MYSM1: variants seen among roughly 807,000 people sequenced by gnomAD.
MYSM1 encodes deubiquitinase MYSM1.
In MYSM1, 51 loss-of-function variants were observed where a neutral mutation model predicts 116.0. The observed-to-expected ratio is 0.44, with a 90% CI of 0.35 to 0.56. MYSM1 has a LOEUF of 0.56. MYSM1 is among the 20% of genes least tolerant of loss of function. MYSM1 has a pLI of 0.00. For missense variants in MYSM1, 900 were observed against 974.9 expected, an observed-to-expected ratio of 0.92 and a Z score of 1.02; for synonymous variants, 313 against 315.2, an observed-to-expected ratio of 0.99 and a Z score of 0.07.
intron 11 of MYSM1, among the ~76,000 whole-genome samples, chr1:58,672,384 C>A (rs1340643991): frequency 6.6e-6 from 1 of 151,774 alleles, no homozygotes; most frequent in African/African-American, 2.4e-5. Context: ...GCTTGGTGAC[C>A]CTAGGCAAAT....
chr1:58,667,104 A>G lies in MYSM1; in HGVS notation c.1965T>C (p.Tyr655=). ...AVRGFSVIGW[Y]HSHPAFDPNP... The stretch of plus-strand genomic sequence containing the variant: ...TAGGATCAAAAGCAGGATGAGAATG[A>G]TACCATCCAATAACACTGAAGCCTC... The change falls in exon 16 of 20, where the codon TAT becomes TAC. Residue 655 remains tyrosine (Y), a synonymous_variant. Transcript: ENST00000472487. The G allele has an allele frequency of 6.2e-7, 1 of 1,613,676 alleles. No individual in the cohort carries two copies. Among genetic ancestry groups the G allele is most frequent in the South Asian group, 1.1e-5 (1 of 91,034 alleles).
At position 58,695,150 on chromosome 1, in the gene MYSM1, C is replaced by A; in HGVS notation, c.126G>T (p.Trp42Cys). The A allele has an allele frequency of 6.2e-7, 1 of 1,604,192 alleles. No homozygotes were observed. The highest frequency in any genetic ancestry group is 8.5e-7 in the Non-Finnish European group (1 of 1,171,800). Residue 42 changes from tryptophan (W) to cysteine (C), a missense_variant, in exon 2 of 20, where the codon TGG becomes TGT. Trp to Cys is a radical substitution (Grantham distance 215, BLOSUM62 -2). Around this residue, in one of 3 missense-constraint regions of MYSM1, gnomAD observed 622 missense variants for 623.7 expected, o/e 1.00. Transcript: ENST00000472487. ...LQKDHYLDSS[W>C]RTENGLIPWT... ...TTACAATAAGGCCATTCTCTGTTCT[C>A]CAAGATGAATCAAGATAGTGATCTT... is the stretch of plus-strand genomic sequence containing the variant.
chr1:58,679,899 G>A (rs974735542), intron 8 of MYSM1, among the ~76,000 whole-genome samples: 1 of 151,896 alleles, frequency 6.6e-6, no homozygotes, highest in East Asian at 1.9e-4. Context: ...GTGGTGGCAC[G>A]CACCTGTAGT....
At position 58,685,204 on chromosome 1, in the gene MYSM1, G is replaced by A; in HGVS notation, c.447C>T (p.Ser149=). 6.2e-7 allele frequency: 1 copy of A among 1,607,772 alleles called. No homozygotes were observed. Among genetic ancestry groups the A allele is most frequent in the Non-Finnish European group, 8.5e-7 (1 of 1,177,984 alleles). The change falls in exon 7 of 20, where the codon AGC becomes AGT. Residue 149 remains serine (S), a synonymous_variant. Coordinates refer to ENST00000472487, the MANE Select transcript of MYSM1 (RefSeq NM_001085487.3). The stretch of plus-strand genomic sequence containing the variant: ...AACTCTTCACTTGTAAAACAGTGCG[G>A]CTTCCAATTAGCTTTGAAATTTTGG... ...RWTKISKLIG[S]RTVLQVKSYA...
chr1:58,665,524 C>G lies in MYSM1; in HGVS notation c.2139G>C (p.Glu713Asp). ...YSQITCLVIS[E>D]EISPDGSYRL... ...GATAAGAGCCATCTGGGCTAATTTCCTCACTTATAACCAGGCAGGTAATCT... is the reference window on the plus strand; with the variant it reads ...GATAAGAGCCATCTGGGCTAATTTCGTCACTTATAACCAGGCAGGTAATCT... Residue 713 changes from glutamate to aspartate, a missense_variant, in exon 17 of 20, where the codon GAG becomes GAC. Transcript: ENST00000472487. 3 of 1,603,222 alleles carry G rather than the reference C, an allele frequency of 1.9e-6. No homozygotes were observed. The East Asian group carries it at 6.7e-5, about 36-fold the overall frequency.
chr1:58,666,792 T>G (rs1644477442), intron 16 of MYSM1, among the ~76,000 whole-genome samples: 1 of 151,390 alleles, frequency 6.6e-6, no homozygotes, highest in Admixed American at 6.6e-5. Flanking sequence ...GAGAATCACT[T>G]GAACCTAAGA....
intron 6 of MYSM1, among the ~76,000 whole-genome samples, chr1:58,687,846 A>T (rs1386395431): frequency 1.3e-5 from 2 of 152,192 alleles, no homozygotes; most frequent in South Asian, 2.1e-4. Flanking sequence ...TATAAGCAGC[A>T]GCGGGCTCTG....
Position 58,676,914 on chromosome 1 carries a change from T to G in MYSM1, c.1390+12A>C. 6.2e-7 allele frequency: 1 copy of G among 1,608,144 alleles called. No individual in the cohort carries two copies. The highest frequency in any genetic ancestry group is 8.5e-7 in the Non-Finnish European group (1 of 1,177,802). On this transcript the variant is annotated intron_variant, in intron 9 of 19. Coordinates refer to ENST00000472487, the MANE Select transcript of MYSM1 (RefSeq NM_001085487.3). The stretch of plus-strand genomic sequence containing the variant: ...TGTCGAGTAAAAGATGTTGTTGGGT[T>G]TTTATTTTTACCACATCCAAAATTG...
intron 2 of MYSM1, 64 bp from the exon 3 acceptor site, chr1:58,692,995 G>A (rs1346184583): frequency 3.8e-6 from 5 of 1,313,946 alleles, no homozygotes; most frequent in South Asian, 1.3e-5. Context: ...CTTCTGTTTT[G>A]GTAAAGAAAA....
At chr1:58,685,325 TAAA>T (rs5774421) in intron 6 of MYSM1, 74 bp from the exon 7 acceptor site, 34 of 633,218 alleles carry the variant, frequency 5.4e-5, no homozygotes, top group East Asian at 6.5e-5. Context: ...ACTACCACAT[TAAA>T]AAAAAAAAAA....
At chr1:58,694,703 C>G (rs1015031141) in intron 2 of MYSM1, among the ~76,000 whole-genome samples, 1 of 151,516 alleles carries the variant, frequency 6.6e-6, no homozygotes, top group Admixed American at 6.6e-5. Flanking sequence ...GGGTCTCATT[C>G]TGTTGCCCAG....
At chr1:58,698,018 G>T (rs1263768605) in intron 1 of MYSM1, among the ~76,000 whole-genome samples, 4 of 146,172 alleles carry the variant, frequency 2.7e-5, no homozygotes, top group Non-Finnish European at 6.0e-5. Context: ...ACATACTTCA[G>T]AGAGTACCAT....
At chr1:58,683,068 C>T (rs1359298730) in intron 7 of MYSM1, among the ~76,000 whole-genome samples, 1 of 152,158 alleles carries the variant, frequency 6.6e-6, no homozygotes, top group Non-Finnish European at 1.5e-5. Context: ...AACTGCATTT[C>T]AAATGTAAAG....
In MYSM1 at chr1:58,668,997, C is replaced by A; in HGVS notation, c.1703G>T (p.Ser568Ile). Reference sequence around the variant, plus strand: ...CATAAATAGTACCTGCTTTTCTTCACTAAAAAAATTACAAGGTATCAGTTG... The same window carrying A: ...CATAAATAGTACCTGCTTTTCTTCAATAAAAAAATTACAAGGTATCAGTTG... ...PFQLIPCNFF[S>I]EEKQEPFQVK... The change falls in exon 13 of 20, where the codon AGT (serine) becomes ATT (isoleucine). Residue 568 changes from serine (S) to isoleucine (I), a missense_variant. By Grantham distance (142) the Ser-to-Ile change is moderately radical. Around this residue, in one of 3 missense-constraint regions of MYSM1, gnomAD observed 92 missense variants for 155.0 expected, o/e 0.59. Coordinates refer to ENST00000472487, the MANE Select transcript of MYSM1 (RefSeq NM_001085487.3). 1 of 1,599,312 alleles carries A rather than the reference C, an allele frequency of 6.3e-7. No individual in the cohort carries two copies. Among genetic ancestry groups the A allele is most frequent in the Non-Finnish European group, 8.5e-7 (1 of 1,174,862 alleles).
rs1008643980 is a variant in MYSM1, at chr1:58,661,403, T to A, written c.2270+3A>T. ...TGCAACCATCTCAAACCACAGTACATACCTATGGGAGAGCCTGTATTTTTC... is the reference window on the plus strand; with the variant it reads ...TGCAACCATCTCAAACCACAGTACAAACCTATGGGAGAGCCTGTATTTTTC... On this transcript the variant is annotated splice_donor_region_variant and intron_variant, in intron 18 of 19. Coordinates refer to ENST00000472487, the MANE Select transcript of MYSM1 (RefSeq NM_001085487.3). 1 of 1,522,008 alleles carries A rather than the reference T, an allele frequency of 6.6e-7. No homozygotes were observed. Among genetic ancestry groups the A allele is most frequent in the South Asian group, 1.1e-5 (1 of 88,970 alleles). 94.3% of individuals were successfully genotyped at this position (1,522,008 alleles called of 1,614,324 possible). A position where few individuals can be genotyped will look rare whatever the true frequency, so the allele number is the denominator to read the frequency against.
At chr1:58,681,732 T>C (rs1043071171) in intron 8 of MYSM1, 53 bp downstream of exon 8, 36 of 1,480,714 alleles carry the variant, frequency 2.4e-5, no homozygotes, top group Non-Finnish European at 3.1e-5. Context: ...CTAATTAAAA[T>C]ACTTCAGAAT....
rs202116499 is a variant in MYSM1, at chr1:58,681,842, C to T, written c.1202G>A (p.Arg401His). The T allele has an allele frequency of 1.6e-5, 26 of 1,609,772 alleles. No individual in the cohort carries two copies. Among genetic ancestry groups the T allele is most frequent in the East Asian group, 2.2e-5 (1 of 44,866 alleles). ...ATAGCGTTCTGGTGTTTTAGCTTGG[C>T]GCCCCTCAAAAAACTCAGGAATTGC... ...KQAIPEFFEG[R>H]QAKTPERYLK... The change falls in exon 8 of 20, where the codon CGC (arginine) becomes CAC (histidine). Residue 401 changes from arginine to histidine, a missense_variant. Arg to His is a conservative substitution (Grantham distance 29). Coordinates refer to ENST00000472487, the MANE Select transcript of MYSM1 (RefSeq NM_001085487.3).
chr1:58,698,155 C>T (rs1281844398), intron 1 of MYSM1, among the ~76,000 whole-genome samples: 5 of 117,678 alleles, frequency 4.2e-5, no homozygotes, highest in Admixed American at 1.0e-4. Context: ...GGCTGGAGTG[C>T]GGTGGCGTGA....
Position 58,666,888 on chromosome 1 carries a change from TAATAAAAATA to T in MYSM1, c.2031+140_2031+149del, listed in dbSNP as rs1170168982. The stretch of plus-strand genomic sequence containing the variant: ...AAACTCTGTCTCAAAAAAAAAATAA[TAATAAAAATA>T]AATAAAAATAAACAAACAAAATCCC... On this transcript the variant is annotated intron_variant, in intron 16 of 19. Coordinates refer to ENST00000472487, the MANE Select transcript of MYSM1 (RefSeq NM_001085487.3). 16 of 216,538 alleles carry T rather than the reference TAATAAAAATA, an allele frequency of 7.4e-5. No individual in the cohort carries two copies. In the East Asian group the frequency reaches 1.0e-3, roughly 14 times the overall value. 13.4% of individuals were successfully genotyped at this position (216,538 alleles called of 1,614,324 possible).
Sources: gnomAD v4.1 joint callset for allele counts (sites outside exome capture counted in the v4.1 genomes callset) on GRCh38, gnomAD v4.1.1 for gene constraint, gnomAD v4.1.1 regional missense constraint, MANE v1.5 for transcripts, NCBI Gene and HGNC (gene_info 2026-07-23, HGNC 2026-07-21) for gene names.